Variants in CDK13 observed in about 807,000 individuals in gnomAD.
The protein encoded by CDK13 is cyclin dependent kinase 13, also known as cyclin-dependent kinase 13.
A neutral mutation model predicts 137.6 loss-of-function variants in CDK13; 40 were observed. The observed-to-expected ratio is 0.29, with a 90% confidence interval of 0.23 to 0.38. The LOEUF is 0.38. CDK13 is among the 10% of genes least tolerant of loss of function. The pLI, the probability that CDK13 is intolerant of heterozygous loss-of-function variation, is 1.00. For synonymous variants in CDK13, 869 were observed against 760.1 expected, an observed-to-expected ratio of 1.14 and a Z score of -2.36; for missense variants, 1,704 against 1,951.8, an observed-to-expected ratio of 0.87 and a Z score of 2.39.
intron 5 of CDK13, among the ~76,000 whole-genome samples, chr7:40,030,935 G>A (rs2150504782): frequency 6.6e-6 from 1 of 152,254 alleles, no homozygotes; most frequent in South Asian, 2.1e-4. Flanking sequence ...GATATTTTGG[G>A]TACTTCCAAG....
At chr7:40,083,240 G>A (rs992455712) in intron 11 of CDK13, among the ~76,000 whole-genome samples, 4 of 150,908 alleles carry the variant, frequency 2.7e-5, no homozygotes, top group Non-Finnish European at 5.9e-5. Flanking sequence ...GGGAACCAAC[G>A]CAGGAGGATT....
intron 5 of CDK13, among the ~76,000 whole-genome samples, chr7:40,044,876 T>C (rs1785701170): frequency 6.6e-6 from 1 of 152,156 alleles, no homozygotes; most frequent in Non-Finnish European, 1.5e-5. Context: ...GACCTCATGA[T>C]CCGCCCACCT....
chr7:39,979,221 T>C (rs372063206), intron 1 of CDK13, among the ~76,000 whole-genome samples: 3 of 147,956 alleles, frequency 2.0e-5, no homozygotes, highest in South Asian at 2.1e-4. Flanking sequence ...TTTTTCTTTT[T>C]TTTTTTTTTT....
At chr7:40,042,798 G>A (rs552021081) in intron 5 of CDK13, among the ~76,000 whole-genome samples, 21 of 115,972 alleles carry the variant, frequency 1.8e-4, no homozygotes, top group South Asian at 1.6e-3. Context: ...TTTTTTTTTT[G>A]AGACTGGGTC....
At chr7:40,061,258 TA>T (rs1265458577) in intron 7 of CDK13, 1 of 152,184 alleles carries the variant, frequency 6.6e-6, no homozygotes, top group Non-Finnish European at 1.5e-5. Flanking sequence ...AACCTAATCT[TA>T]ATTTACTATT....
intron 1 of CDK13, among the ~76,000 whole-genome samples, chr7:39,977,854 A>G (rs1784142851): frequency 6.6e-6 from 1 of 152,184 alleles, no homozygotes; most frequent in Non-Finnish European, 1.5e-5. Flanking sequence ...GAGCATGGAA[A>G]AATGGAGAGA....
rs1289477033 is a variant in CDK13 at position 39,951,167 on chromosome 7, G to T, written c.526G>T (p.Gly176Cys). ...GGCGACGGCTGCCGGGGGAACGGGG[G>T]GCAGCGGCGGGAGTCCGGCCTCCTC... ...TAATAAGGTG[G>C]SGGSPASSSG... The change falls in exon 1 of 14, where the codon GGC (glycine) becomes TGC (cysteine). Residue 176 changes from glycine (G) to cysteine (C), a missense_variant. By Grantham distance (159) the Gly-to-Cys change is radical. Around this residue, in one of 5 missense-constraint regions of CDK13, gnomAD observed 1,051 missense variants for 931.0 expected, o/e 1.13. Coordinates refer to ENST00000181839, the MANE Select transcript of CDK13 (RefSeq NM_003718.5). 5 of 1,243,630 alleles carry T rather than the reference G, an allele frequency of 4.0e-6. No individual in the cohort carries two copies. Among genetic ancestry groups the T allele is most frequent in the Non-Finnish European group, 5.0e-6 (5 of 995,794 alleles). The allele number at this position is 1,243,630 out of a possible 1,614,324, so 77.0% of individuals were successfully genotyped here.
At chr7:39,995,716 T>C (rs1403844616) in intron 2 of CDK13, among the ~76,000 whole-genome samples, 2 of 152,122 alleles carry the variant, frequency 1.3e-5, no homozygotes, top group African/African-American at 4.8e-5. Flanking sequence ...ACTTTAAAAA[T>C]AAAACTGCAG....
At chr7:39,969,466 T>G (rs373491973) in intron 1 of CDK13, among the ~76,000 whole-genome samples, 1 of 152,248 alleles carries the variant, frequency 6.6e-6, no homozygotes. Flanking sequence ...TTGGCTGTTA[T>G]GAGCAAAGCT....
chr7:39,961,469 T>G (rs182903095), intron 1 of CDK13, among the ~76,000 whole-genome samples: 1 of 152,234 alleles, frequency 6.6e-6, no homozygotes, highest in African/African-American at 2.4e-5. Context: ...TCTGAAACTT[T>G]GTGTCTTTTG....
chr7:39,975,501 G>T (rs1784086179), intron 1 of CDK13, among the ~76,000 whole-genome samples: 1 of 152,104 alleles, frequency 6.6e-6, no homozygotes, highest in Non-Finnish European at 1.5e-5. Flanking sequence ...TATTCTAGGG[G>T]CCATGAAAAA....
rs1158145409 is a variant in CDK13, at chr7:40,068,707, GAAAAAAAAAAA to G, written c.2780+5621_2780+5631del. On this transcript the variant is annotated intron_variant, in intron 9 of 13. Coordinates refer to ENST00000181839, the MANE Select transcript of CDK13 (RefSeq NM_003718.5). Reference sequence around the variant, plus strand: ...GGTGACAGAGTGAGACTATGTCTCAGAAAAAAAAAAAAAAAAAAAAAAAAGGAAACAGTTGA... The same window carrying G: ...GGTGACAGAGTGAGACTATGTCTCAGAAAAAAAAAAAAAGGAAACAGTTGA... Among the ~76,000 whole-genome samples, 13 of 47,082 alleles carry G rather than the reference GAAAAAAAAAAA, an allele frequency of 2.8e-4. No individual in the cohort carries two copies. In the South Asian group the frequency reaches 3.2e-3, roughly 12 times the overall value. 30.9% of individuals were successfully genotyped at this position (47,082 alleles called of 152,430 possible).
chr7:39,972,001 G>C (rs1052841265), intron 1 of CDK13, among the ~76,000 whole-genome samples: 10 of 152,356 alleles, frequency 6.6e-5, no homozygotes, highest in African/African-American at 2.2e-4. Context: ...GCTACAGAGA[G>C]ACTAATCAAA....
chr7:39,980,121 A>G (rs893171320), intron 1 of CDK13, among the ~76,000 whole-genome samples: 1 of 152,216 alleles, frequency 6.6e-6, no homozygotes, highest in African/African-American at 2.4e-5. Flanking sequence ...ACGATCAGAC[A>G]CATTCAGAGG....
intron 5 of CDK13, among the ~76,000 whole-genome samples, chr7:40,016,567 T>G (rs1785009285): frequency 3.3e-5 from 5 of 152,142 alleles, no homozygotes; most frequent in Admixed American, 3.3e-4. Flanking sequence ...GATGTTAAAG[T>G]TTGGGAGTAC....
chr7:39,972,101 G>A (rs949842643), intron 1 of CDK13, among the ~76,000 whole-genome samples: 2 of 152,094 alleles, frequency 1.3e-5, no homozygotes, highest in African/African-American at 2.4e-5. Flanking sequence ...ACATATCAAG[G>A]CATGGTTCAG....
At chr7:40,063,777 C>T (rs1584057164) in intron 9 of CDK13, among the ~76,000 whole-genome samples, 1 of 152,082 alleles carries the variant, frequency 6.6e-6, no homozygotes, top group East Asian at 2.0e-4. Context: ...CCTGCCTCAG[C>T]CTCCCGAGTA....
chr7:40,068,729 AAAGG>A, intron 9 of CDK13, among the ~76,000 whole-genome samples: 1 of 150,874 alleles, frequency 6.6e-6, no homozygotes, highest in African/African-American at 2.4e-5. Flanking sequence ...AAAAAAAAAA[AAAGG>A]AAACAGTTGA....
Position 40,021,116 on chromosome 7 carries a change from T to TACAC in CDK13, c.2353+19086_2353+19087insCACA, listed in dbSNP as rs1229395145. Among the ~76,000 whole-genome samples, 411 of 99,618 alleles carry TACAC rather than the reference T, an allele frequency of 4.1e-3. 2 individuals carry two copies. Among genetic ancestry groups the TACAC allele is most frequent in the Middle Eastern group, 8.8e-3 (2 of 228 alleles). 65.4% of individuals were successfully genotyped at this position (99,618 alleles called of 152,430 possible). The stretch of plus-strand genomic sequence containing the variant: ...GAGCAAACAAACGTATATATATATA[T>TACAC]ATATATACACACACACACACACACA... On this transcript the variant is annotated intron_variant, in intron 5 of 13. Coordinates refer to ENST00000181839, the MANE Select transcript of CDK13 (RefSeq NM_003718.5).
Sources: allele counts gnomAD v4.1 joint callset (sites outside exome capture counted in the v4.1 genomes callset), GRCh38; gene constraint gnomAD v4.1.1; regional missense constraint gnomAD v4.1.1; transcripts MANE v1.5; gene names NCBI Gene and HGNC (gene_info 2026-07-23, HGNC 2026-07-21).